Variants in PTPRO observed in about 807,000 individuals in gnomAD.
The protein encoded by PTPRO is protein tyrosine phosphatase receptor type O, also known as receptor-type tyrosine-protein phosphatase O.
Under a neutral mutation model 145.2 loss-of-function variants are expected in PTPRO, and 62 were observed. That is an observed-to-expected ratio of 0.43 (90% CI 0.35 to 0.53). The LOEUF is 0.53. Among genes scored for constraint, PTPRO ranks in the 20% least tolerant of loss-of-function variants. The probability of loss-of-function intolerance (pLI) is 0.01; values close to 1 mark genes in which losing one functional copy is unlikely to be tolerated. For synonymous variants in PTPRO, 565 were observed against 514.7 expected, an observed-to-expected ratio of 1.10 and a Z score of -1.32; for missense variants, 1,345 against 1,482.7, an observed-to-expected ratio of 0.91 and a Z score of 1.53.
chr12:15,484,414 G>C (rs1435291052), intron 2 of PTPRO, among the ~76,000 whole-genome samples, 167 bp downstream of exon 2: 1 of 151,992 alleles, frequency 6.6e-6, no homozygotes, highest in East Asian at 1.9e-4. Context: ...GCTGAAGTTT[G>C]ATGTTTACTC....
At chr12:15,578,985 G>T (rs1049049107) in intron 20 of PTPRO, 42 bp downstream of exon 20, 1 of 1,473,164 alleles carries the variant, frequency 6.8e-7, no homozygotes, top group East Asian at 2.3e-5. Context: ...TGTCTTAAGG[G>T]TTGAAGGACT....
intron 2 of PTPRO, among the ~76,000 whole-genome samples, chr12:15,486,612 A>C (rs1008370865): frequency 5.3e-5 from 8 of 152,104 alleles, no homozygotes; most frequent in African/African-American, 1.7e-4. Context: ...AAAAAGGTGA[A>C]ATTAATTTTA....
intron 12 of PTPRO, among the ~76,000 whole-genome samples, chr12:15,540,512 T>A (rs916790950): frequency 6.6e-6 from 1 of 152,242 alleles, no homozygotes; most frequent in Admixed American, 6.5e-5. Flanking sequence ...CTGGTCCTTA[T>A]GGATATAATC....
At chr12:15,544,857 G>A (rs1943250153) in intron 12 of PTPRO, among the ~76,000 whole-genome samples, 1 of 152,188 alleles carries the variant, frequency 6.6e-6, no homozygotes, top group Non-Finnish European at 1.5e-5. Context: ...TACAATGCCT[G>A]GAGGACTGGA....
chr12:15,587,092 T>C (rs921660684), intron 24 of PTPRO, 41 bp downstream of exon 24: 4 of 1,611,756 alleles, frequency 2.5e-6, no homozygotes, highest in Non-Finnish European at 2.5e-6. Context: ...TATTAGGAGT[T>C]GGTTTTGTAA....
At chr12:15,454,460 G>A (rs1941124152) in intron 1 of PTPRO, among the ~76,000 whole-genome samples, 1 of 151,980 alleles carries the variant, frequency 6.6e-6, no homozygotes, top group African/African-American at 2.4e-5. Context: ...ATATATTTTG[G>A]TTATTAACCC....
chr12:15,394,377 G>T (rs1939278379), intron 1 of PTPRO, among the ~76,000 whole-genome samples: 1 of 151,986 alleles, frequency 6.6e-6, no homozygotes, highest in Non-Finnish European at 1.5e-5. Context: ...GGGACTGAGG[G>T]ATCACATCCA....
At chr12:15,345,556 A>C (rs1302716067) in intron 1 of PTPRO, among the ~76,000 whole-genome samples, 3 of 152,128 alleles carry the variant, frequency 2.0e-5, no homozygotes, top group Non-Finnish European at 4.4e-5. Context: ...GGAGTGGAAC[A>C]ATGAGAACAT....
At chr12:15,554,969 C>T (rs1248559792) in intron 15 of PTPRO, among the ~76,000 whole-genome samples, 3 of 152,156 alleles carry the variant, frequency 2.0e-5, no homozygotes, top group South Asian at 4.1e-4. Flanking sequence ...TGGTTCTGCA[C>T]AGTGGCTCAT....
chr12:15,534,240 A>G (rs1565690446), intron 12 of PTPRO, among the ~76,000 whole-genome samples: 4 of 152,114 alleles, frequency 2.6e-5, no homozygotes, highest in Admixed American at 2.0e-4. Context: ...GCCAACTTTA[A>G]GAGGACATGT....
At chr12:15,564,091 A>T (rs554829750) in intron 17 of PTPRO, among the ~76,000 whole-genome samples, 1 of 152,342 alleles carries the variant, frequency 6.6e-6, no homozygotes, top group African/African-American at 2.4e-5. Flanking sequence ...AGGGAGAGGC[A>T]AAGTAAAAAC....
At chr12:15,593,139 C>T (rs1350162073) in intron 25 of PTPRO, among the ~76,000 whole-genome samples, 1 of 152,112 alleles carries the variant, frequency 6.6e-6, no homozygotes, top group African/African-American at 2.4e-5. Context: ...GTGTGATGAC[C>T]ACAAGGGGTA....
At chr12:15,412,107 G>A (rs778342235) in intron 1 of PTPRO, among the ~76,000 whole-genome samples, 6 of 152,166 alleles carry the variant, frequency 3.9e-5, no homozygotes, top group Non-Finnish European at 7.3e-5. Context: ...TCATTCACAC[G>A]CAGTTGAAAC....
At position 15,326,463 on chromosome 12, in the gene PTPRO, T is replaced by G. The variant is rs184023738; in HGVS notation, c.75+3662T>G. Among the ~76,000 whole-genome samples, 202 of 152,354 alleles carry G rather than the reference T, an allele frequency of 1.3e-3. 2 individuals are homozygous for G. The highest frequency in any genetic ancestry group is 2.1e-3 in the Admixed American group (32 of 15,302). On this transcript the variant is annotated intron_variant, in intron 1 of 26. Transcript: ENST00000281171. The stretch of plus-strand genomic sequence containing the variant: ...TTTGTTTTGTGAGAGACTATCGTTG[T>G]GTGAAGGAATGAAAAATTCACATTA...
In PTPRO at chr12:15,508,744, C is replaced by T; in HGVS notation, c.1441C>T (p.Leu481Phe). ...TCQKQKESQR[L>F]EKQYCTQVNS... ...CCAGAAACAAAAGGAGAGCCAGAGG[C>T]TTGAAAAGCAGTACTGCACTCAGGT... Residue 481 changes from leucine to phenylalanine, a missense_variant, in exon 7 of 27, where the codon CTT (leucine) becomes TTT (phenylalanine). Physicochemically the swap from Leu to Phe is conservative, Grantham distance 22. Around this residue, in one of 3 missense-constraint regions of PTPRO, gnomAD observed 1,130 missense variants for 1,214.7 expected, o/e 0.93. Transcript: ENST00000281171. 2 of 1,614,072 alleles carry T rather than the reference C, an allele frequency of 1.2e-6. No individual in the cohort carries two copies. The highest frequency in any genetic ancestry group is 1.7e-6 in the Non-Finnish European group (2 of 1,179,998).
chr12:15,546,822 G>C, intron 13 of PTPRO, 114 bp downstream of exon 13: 1 of 1,440,870 alleles, frequency 6.9e-7, no homozygotes, highest in Non-Finnish European at 9.5e-7. Context: ...CTGTTTATTT[G>C]CTCTTTTGTG....
At chr12:15,470,959 C>G (rs538646693) in intron 1 of PTPRO, among the ~76,000 whole-genome samples, 6 of 152,254 alleles carry the variant, frequency 3.9e-5, no homozygotes, top group Middle Eastern at 3.4e-3. Flanking sequence ...TGTTCTTAAA[C>G]AGTGCATGTA....
intron 7 of PTPRO, among the ~76,000 whole-genome samples, chr12:15,515,272 G>T (rs1282860767): frequency 1.3e-5 from 2 of 152,094 alleles, no homozygotes. Context: ...GTATAAAGCA[G>T]TTCACAGGGC....
At chr12:15,551,523 G>T in intron 14 of PTPRO, 28 bp from the exon 15 acceptor site, 1 of 1,611,034 alleles carries the variant, frequency 6.2e-7, no homozygotes, top group Non-Finnish European at 8.5e-7. Context: ...GAGAACCTAT[G>T]ATGAAAATGC....
Sources: allele counts gnomAD v4.1 joint callset (sites outside exome capture counted in the v4.1 genomes callset), GRCh38; gene constraint gnomAD v4.1.1; regional missense constraint gnomAD v4.1.1; transcripts MANE v1.5; gene names NCBI Gene and HGNC (gene_info 2026-07-23, HGNC 2026-07-21).